Variants in MORC3 observed in about 807,000 individuals in gnomAD.
MORC3 encodes the protein MORC family CW-type zinc finger protein 3.
A neutral mutation model predicts 109.1 loss-of-function variants in MORC3; 31 were observed. The observed-to-expected ratio is 0.28, with a 90% CI of 0.21 to 0.38. The LOEUF (loss-of-function observed/expected upper bound fraction) is 0.38, where lower values mean the gene tolerates loss of function less well. Among genes scored for constraint, MORC3 ranks in the 10% least tolerant of loss-of-function variants. The pLI is 1.00. For synonymous variants in MORC3, 395 were observed against 380.7 expected, an observed-to-expected ratio of 1.04 and a Z score of -0.44; for missense variants, 867 against 1,135.8, an observed-to-expected ratio of 0.76 and a Z score of 3.40.
chr21:36,333,767 GT>G (rs367762969), intron 2 of MORC3, 49 bp downstream of exon 2: 19,808 of 853,696 alleles, frequency 0.023, 3 homozygotes, highest in South Asian at 0.027. Flanking sequence ...CAATTGTAGT[GT>G]TTTTTTTTTT....
At chr21:36,341,664 T>A (rs2085447858) in intron 6 of MORC3, 118 bp downstream of exon 6, 1 of 1,385,544 alleles carries the variant, frequency 7.2e-7, no homozygotes, top group East Asian at 2.3e-5. Flanking sequence ...AATGAAAGTA[T>A]CTCAGACATG....
chr21:36,351,192 C>T (rs558793316), intron 9 of MORC3, among the ~76,000 whole-genome samples: 3 of 151,272 alleles, frequency 2.0e-5, no homozygotes, highest in East Asian at 1.9e-4. Context: ...CTCAGCCTCC[C>T]GAGTAGCTGG....
In MORC3 at chr21:36,369,205, G is replaced by A; in HGVS notation, c.1837G>A (p.Val613Met). 6.2e-7 allele frequency: 1 copy of A among 1,614,164 alleles called. No individual in the cohort carries two copies. Among genetic ancestry groups the A allele is most frequent in the Non-Finnish European group, 8.5e-7 (1 of 1,180,044 alleles). ...GCAAGGTGGTGTTCAGGTTGAGTTTGTGGGTGACAGTGAACCTTGTGGCCA... is the reference window on the plus strand; with the variant it reads ...GCAAGGTGGTGTTCAGGTTGAGTTTATGGGTGACAGTGAACCTTGTGGCCA... ...VEQGGVQVEF[V>M]GDSEPCGQTG... is the part of the protein sequence containing the mutation. The change falls in exon 15 of 17, where the codon GTG (valine) becomes ATG (methionine). Residue 613 changes from valine (V) to methionine (M), a missense_variant. Physicochemically the swap from Val to Met is conservative, Grantham distance 21. Transcript: ENST00000400485.
intron 1 of MORC3, among the ~76,000 whole-genome samples, chr21:36,332,790 C>CTTTTTT: frequency 7.1e-6 from 1 of 139,880 alleles, no homozygotes; most frequent in Non-Finnish European, 1.5e-5. Context: ...GGAACTCTTT[C>CTTTTTT]TTTTTTTTTT....
chr21:36,363,390 G>A (rs2085742486), intron 13 of MORC3, among the ~76,000 whole-genome samples: 1 of 152,050 alleles, frequency 6.6e-6, no homozygotes, highest in South Asian at 2.1e-4. Flanking sequence ...CTCCATCCTG[G>A]GGAACAGACT....
At position 36,364,088 on chromosome 21, in the gene MORC3, A is replaced by G; in HGVS notation, c.1453-5A>G. 5.6e-6 allele frequency: 9 copies of G among 1,610,644 alleles called. No homozygotes were observed. Among genetic ancestry groups the G allele is most frequent in the Non-Finnish European group, 7.6e-6 (9 of 1,178,910 alleles). ...CTTTAAGGTGATGATTTTTCCCTCC[A>G]ACAGATTAATGCTGAACTGTTGTTT... On this transcript the variant is annotated splice_region_variant and splice_polypyrimidine_tract_variant and intron_variant, in intron 13 of 16. Transcript: ENST00000400485.
chr21:36,346,145 C>T (rs1309020025), intron 8 of MORC3, among the ~76,000 whole-genome samples: 1 of 152,198 alleles, frequency 6.6e-6, no homozygotes, highest in Admixed American at 6.5e-5. Context: ...CTTAGCCTCC[C>T]AAGTAGCTGG....
At chr21:36,328,750 T>G (rs2085278313) in intron 1 of MORC3, among the ~76,000 whole-genome samples, 1 of 152,064 alleles carries the variant, frequency 6.6e-6, no homozygotes, top group Admixed American at 6.6e-5. Flanking sequence ...GTGCTGGGAT[T>G]ACAGGTGTGA....
chr21:36,360,306 A>G (rs2085698815), intron 12 of MORC3, 48 bp downstream of exon 12: 4 of 1,524,520 alleles, frequency 2.6e-6, no homozygotes, highest in Admixed American at 1.7e-5. Context: ...CAGATCATGA[A>G]CAGTGATGCC....
chr21:36,354,667 T>C lies in MORC3; in HGVS notation c.1104-1953T>C, dbSNP rs2085625390. ...TCCTTCTTACACTGTCTGCTTCAGT[T>C]TCAGTGCCTGTATCATAGAAGTGTC... On this transcript the variant is annotated intron_variant, in intron 9 of 16. Transcript: ENST00000400485. 1.3e-5 allele frequency among the ~76,000 whole-genome samples: 2 copies of C among 152,224 alleles called. 1 individual carries two copies. The highest frequency in any genetic ancestry group is 4.1e-4 in the South Asian group (2 of 4,832).
intron 9 of MORC3, among the ~76,000 whole-genome samples, chr21:36,355,098 T>C (rs955739579): frequency 2.0e-5 from 3 of 152,220 alleles, no homozygotes; most frequent in Admixed American, 1.3e-4. Context: ...TTCTAGACTT[T>C]CATGATGTTT....
chr21:36,337,545 TC>T (rs2085387879), intron 3 of MORC3, among the ~76,000 whole-genome samples, 186 bp from the exon 4 acceptor site: 1 of 151,754 alleles, frequency 6.6e-6, no homozygotes, highest in Non-Finnish European at 1.5e-5. Context: ...ACATAAAAAA[TC>T]AACAACAACA....
rs958269413 is a variant in MORC3, at chr21:36,376,536, A to C, written c.*1240A>C. The stretch of plus-strand genomic sequence containing the variant: ...TTTTATTTGCCTGATAAAGTAATTG[A>C]AAGTGTATTTTTGGTATGAAGCTGG... On this transcript the variant is annotated 3_prime_UTR_variant, in exon 17 of 17. Coordinates refer to ENST00000400485, the MANE Select transcript of MORC3 (RefSeq NM_015358.3). 6.6e-6 allele frequency: 1 copy of C among 152,206 alleles called. No homozygotes were observed. Among genetic ancestry groups the C allele is most frequent in the African/African-American group, 2.4e-5 (1 of 41,460 alleles). The allele number at this position is 152,206 out of a possible 1,614,324, so 9.4% of individuals were successfully genotyped here. A position where few individuals can be genotyped will look rare whatever the true frequency, so the allele number is the denominator to read the frequency against.
At chr21:36,373,197 G>A (rs1044284012) in intron 16 of MORC3, among the ~76,000 whole-genome samples, 4 of 151,564 alleles carry the variant, frequency 2.6e-5, no homozygotes, top group Admixed American at 6.6e-5. Flanking sequence ...AAAATTAGCC[G>A]GGCGTGGTGG....
intron 9 of MORC3, among the ~76,000 whole-genome samples, chr21:36,350,515 G>A (rs576270354): frequency 3.4e-5 from 5 of 146,128 alleles, no homozygotes; most frequent in African/African-American, 7.7e-5. Context: ...CTGCATTCCC[G>A]CGCTGGTGAC....
chr21:36,350,817 A>G (rs1310317016), intron 9 of MORC3, among the ~76,000 whole-genome samples: 1 of 152,180 alleles, frequency 6.6e-6, no homozygotes, highest in African/African-American at 2.4e-5. Flanking sequence ...TTAAGGAAGA[A>G]GTGGCATCAG....
At chr21:36,361,085 A>G (rs563401763) in intron 12 of MORC3, among the ~76,000 whole-genome samples, 29 of 152,006 alleles carry the variant, frequency 1.9e-4, no homozygotes, top group Non-Finnish European at 3.5e-4. Context: ...AAAAAAAAAA[A>G]AAGATAGTGG....
intron 2 of MORC3, among the ~76,000 whole-genome samples, chr21:36,336,645 G>A (rs1050711738): frequency 6.6e-6 from 1 of 152,166 alleles, no homozygotes; most frequent in East Asian, 1.9e-4. Context: ...TAACATGGAG[G>A]GTGTTAATTC....
At chr21:36,372,108 C>T (rs982690577) in intron 15 of MORC3, among the ~76,000 whole-genome samples, 2 of 151,872 alleles carry the variant, frequency 1.3e-5, no homozygotes, top group South Asian at 2.1e-4. Flanking sequence ...CCACCATGCC[C>T]GGCTGGTTTT....
Sources: gnomAD v4.1 joint callset for allele counts (sites outside exome capture counted in the v4.1 genomes callset) on GRCh38, gnomAD v4.1.1 for gene constraint, MANE v1.5 for transcripts, NCBI Gene and HGNC (gene_info 2026-07-23, HGNC 2026-07-21) for gene names.